Variants in SPATA16 observed in about 807,000 individuals in gnomAD.
SPATA16 encodes spermatogenesis associated 16, also known as spermatogenesis-associated protein 16.
Under a neutral mutation model 63.3 loss-of-function variants are expected in SPATA16, and 36 were observed. The observed-to-expected ratio is 0.57, with a 90% CI of 0.44 to 0.75. The LOEUF is 0.75. SPATA16 is among the 30% of genes least tolerant of loss of function. The pLI, the probability that SPATA16 is intolerant of heterozygous loss-of-function variation, is 0.00. For synonymous variants in SPATA16, 203 were observed against 216.7 expected (o/e 0.94, Z 0.56); for missense variants, 646 against 679.3 (o/e 0.95, Z 0.54).
intron 2 of SPATA16, among the ~76,000 whole-genome samples, chr3:173,108,435 T>C (rs1737670717): frequency 6.6e-6 from 1 of 152,188 alleles, no homozygotes; most frequent in Admixed American, 6.5e-5. Context: ...TATTGTGATT[T>C]TAAAAGAGAA....
intron 4 of SPATA16, among the ~76,000 whole-genome samples, chr3:173,014,094 AG>A (rs1445771291): frequency 6.6e-6 from 1 of 152,238 alleles, no homozygotes; most frequent in African/African-American, 2.4e-5. Context: ...GTATACCCAA[AG>A]GAAAACAAAC....
chr3:172,952,908 A>G (rs193186250), intron 6 of SPATA16, among the ~76,000 whole-genome samples: 1 of 148,756 alleles, frequency 6.7e-6, no homozygotes, highest in Non-Finnish European at 1.5e-5. Flanking sequence ...CCACTGCACT[A>G]CAGCCTGGCA....
chr3:173,016,658 A>G (rs111980074), intron 4 of SPATA16, among the ~76,000 whole-genome samples: 341 of 152,352 alleles, frequency 2.2e-3, no homozygotes, highest in Middle Eastern at 6.8e-3. Context: ...GAATTTTGAC[A>G]TAAAATACTT....
intron 5 of SPATA16, among the ~76,000 whole-genome samples, chr3:172,968,799 A>G (rs1336200300): frequency 2.0e-5 from 3 of 152,246 alleles, no homozygotes; most frequent in Non-Finnish European, 2.9e-5. Context: ...CTACTGGCAT[A>G]CTACCTCAAA....
intron 2 of SPATA16, among the ~76,000 whole-genome samples, chr3:173,055,195 C>T (rs1366794858): frequency 6.6e-6 from 1 of 152,016 alleles, no homozygotes; most frequent in African/African-American, 2.4e-5. Context: ...ATGGATTGCT[C>T]CATCCTACAT....
chr3:173,054,898 CTG>C lies in SPATA16; in HGVS notation c.613-5806_613-5805del, dbSNP rs370095981. Among the ~76,000 whole-genome samples the C allele has an allele frequency of 1.2e-4, 18 of 152,166 alleles. No individual in the cohort carries two copies. In the East Asian group the frequency reaches 2.9e-3, roughly 24 times the overall value. On this transcript the variant is annotated intron_variant, in intron 2 of 10. Coordinates refer to ENST00000351008, the MANE Select transcript of SPATA16 (RefSeq NM_031955.6). ...AACAAACCTCAACACAATGAGAAAA[CTG>C]AAATAATTCAGAGCATGTTCTCTGA...
chr3:173,074,189 A>C (rs1736735155), intron 2 of SPATA16, among the ~76,000 whole-genome samples: 1 of 152,212 alleles, frequency 6.6e-6, no homozygotes, highest in African/African-American at 2.4e-5. Flanking sequence ...GCCTTGTCTC[A>C]GATAAGACTT....
intron 4 of SPATA16, among the ~76,000 whole-genome samples, chr3:173,016,661 A>C (rs1735195953): frequency 6.6e-6 from 1 of 152,216 alleles, no homozygotes; most frequent in Non-Finnish European, 1.5e-5. Flanking sequence ...TTTTGACATA[A>C]AATACTTGTA....
At chr3:172,930,553 CTTTTTTTTTTTT>C (rs34780432) in intron 6 of SPATA16, among the ~76,000 whole-genome samples, 4 of 87,366 alleles carry the variant, frequency 4.6e-5, no homozygotes, top group Non-Finnish European at 6.4e-5. Flanking sequence ...CATTCAAACT[CTTTTTTTTTTTT>C]TTTTTTTTTT....
At chr3:173,092,018 G>T (rs1362051667) in intron 2 of SPATA16, among the ~76,000 whole-genome samples, 1 of 152,084 alleles carries the variant, frequency 6.6e-6, no homozygotes, top group Non-Finnish European at 1.5e-5. Context: ...AAAGATCTAG[G>T]TTACCTAAGC....
chr3:172,913,258 T>C (rs137880240), intron 10 of SPATA16, among the ~76,000 whole-genome samples: 7 of 152,328 alleles, frequency 4.6e-5, no homozygotes, highest in African/African-American at 1.7e-4. Flanking sequence ...ATCAATGTGC[T>C]AGTTTCTTTG....
intron 2 of SPATA16, among the ~76,000 whole-genome samples, chr3:173,051,704 C>T (rs1736099682): frequency 6.6e-6 from 1 of 152,142 alleles, no homozygotes; most frequent in African/African-American, 2.4e-5. Context: ...CTCCTCTTCA[C>T]ATAAAATCTT....
chr3:173,028,618 T>G (rs1398481778), intron 3 of SPATA16, among the ~76,000 whole-genome samples: 1 of 152,062 alleles, frequency 6.6e-6, no homozygotes, highest in African/African-American at 2.4e-5. Flanking sequence ...TAAACAATCA[T>G]TTTATAAAGA....
chr3:173,121,402 G>A (rs898028044), intron 1 of SPATA16, among the ~76,000 whole-genome samples: 1 of 152,066 alleles, frequency 6.6e-6, no homozygotes, highest in Non-Finnish European at 1.5e-5. Flanking sequence ...TGAACATCTT[G>A]TTTATTCCAA....
chr3:172,997,399 C>T (rs1734717695), intron 4 of SPATA16, among the ~76,000 whole-genome samples: 1 of 152,054 alleles, frequency 6.6e-6, no homozygotes, highest in Non-Finnish European at 1.5e-5. Flanking sequence ...GAGTACTTGC[C>T]ACCTGTATAT....
intron 2 of SPATA16, among the ~76,000 whole-genome samples, chr3:173,100,701 C>CAGAG (rs1213234961): frequency 1.8e-5 from 2 of 113,576 alleles, no homozygotes; most frequent in Admixed American, 9.1e-5. Flanking sequence ...CACACACACA[C>CAGAG]ACACACAGAG....
rs879793064 is a variant in SPATA16, at chr3:173,091,059, G to T, written c.612+26061C>A. 9.3e-4 allele frequency among the ~76,000 whole-genome samples: 142 copies of T among 152,058 alleles called. 3 individuals are homozygous for T. Among genetic ancestry groups the T allele is most frequent in the Admixed American group, 7.3e-3 (112 of 15,270 alleles). On this transcript the variant is annotated intron_variant, in intron 2 of 10. Transcript: ENST00000351008. ...TACAGCTTCTGGGAAAAAAAAAGTTGCTCAAAGAATATGTCTTTCTGATAT... is the reference window on the plus strand; with the variant it reads ...TACAGCTTCTGGGAAAAAAAAAGTTTCTCAAAGAATATGTCTTTCTGATAT...
intron 4 of SPATA16, among the ~76,000 whole-genome samples, chr3:173,008,194 A>G (rs546439035): frequency 6.6e-6 from 1 of 152,300 alleles, no homozygotes; most frequent in African/African-American, 2.4e-5. Context: ...TCAGCCTTCC[A>G]TGGGCTCTTA....
intron 1 of SPATA16, among the ~76,000 whole-genome samples, chr3:173,126,350 G>A (rs1738227279): frequency 6.6e-6 from 1 of 152,218 alleles, no homozygotes; most frequent in Non-Finnish European, 1.5e-5. Flanking sequence ...GAATATGGAA[G>A]TAGAGGAAGT....
Sources: allele counts gnomAD v4.1 joint callset (sites outside exome capture counted in the v4.1 genomes callset), GRCh38; gene constraint gnomAD v4.1.1; transcripts MANE v1.5; gene names NCBI Gene and HGNC (gene_info 2026-07-23, HGNC 2026-07-21).